SH3GL2: variants seen among roughly 807,000 people sequenced by gnomAD.
SH3GL2 encodes endophilin-A1.
SH3GL2 carries 24 observed loss-of-function variants against 46.0 expected under a neutral mutation model. The ratio of observed to expected loss-of-function variants is 0.52; its 90% CI spans 0.38 to 0.73. The LOEUF (loss-of-function observed/expected upper bound fraction) is 0.73. Ranked by LOEUF, SH3GL2 falls within the 30% of genes least tolerant of loss-of-function variation. The pLI, the probability that SH3GL2 is intolerant of heterozygous loss-of-function variation, is 0.00. For synonymous variants in SH3GL2, 196 were observed against 147.1 expected, an observed-to-expected ratio of 1.33 and a Z score of -2.40; for missense variants, 413 against 424.2, an observed-to-expected ratio of 0.97 and a Z score of 0.23.
At chr9:17,672,465 C>G (rs1256196339) in intron 1 of SH3GL2, among the ~76,000 whole-genome samples, 1 of 152,086 alleles carries the variant, frequency 6.6e-6, no homozygotes, top group African/African-American at 2.4e-5. Flanking sequence ...AGAAAAAGAG[C>G]CCAGATAATA....
At chr9:17,698,704 A>T (rs1483107893) in intron 1 of SH3GL2, among the ~76,000 whole-genome samples, 1 of 152,204 alleles carries the variant, frequency 6.6e-6, no homozygotes, top group Non-Finnish European at 1.5e-5. Flanking sequence ...GTTTCTGCTT[A>T]TGCAGAAGAG....
At chr9:17,736,767 A>G (rs568999911) in intron 1 of SH3GL2, among the ~76,000 whole-genome samples, 1 of 152,116 alleles carries the variant, frequency 6.6e-6, no homozygotes, top group African/African-American at 2.4e-5. Flanking sequence ...TGGATGGAAA[A>G]AAACTGTCCA....
chr9:17,716,902 T>C (rs1258091711), intron 1 of SH3GL2, among the ~76,000 whole-genome samples: 3 of 152,140 alleles, frequency 2.0e-5, no homozygotes, highest in African/African-American at 7.2e-5. Context: ...TTGACACTCA[T>C]TCTTAAAAAT....
intron 1 of SH3GL2, chr9:17,591,162 A>G (rs1462190221): frequency 6.6e-6 from 1 of 152,226 alleles, no homozygotes. Flanking sequence ...ATCACCTTAC[A>G]TAAAAGGACG....
intron 1 of SH3GL2, among the ~76,000 whole-genome samples, chr9:17,611,782 G>T (rs1818873050): frequency 6.6e-6 from 1 of 152,138 alleles, no homozygotes; most frequent in Admixed American, 6.5e-5. Flanking sequence ...ATTGCCTTGG[G>T]CTCTGTCTTC....
intron 1 of SH3GL2, among the ~76,000 whole-genome samples, chr9:17,623,248 G>A (rs1340841454): frequency 6.6e-6 from 1 of 151,992 alleles, no homozygotes; most frequent in African/African-American, 2.4e-5. Context: ...AGGTCCCTAC[G>A]ATACGTCTGA....
intron 1 of SH3GL2, among the ~76,000 whole-genome samples, chr9:17,608,234 G>A (rs556407907): frequency 7.3e-6 from 1 of 137,458 alleles, no homozygotes; most frequent in Non-Finnish European, 1.5e-5. Flanking sequence ...TGCAAGCTCT[G>A]CCTCCCAGGT....
chr9:17,584,066 C>G (rs1226551209), intron 1 of SH3GL2, among the ~76,000 whole-genome samples: 2 of 152,124 alleles, frequency 1.3e-5, no homozygotes, highest in Non-Finnish European at 2.9e-5. Flanking sequence ...CCAGTAGTCT[C>G]TAATAGGCTG....
In SH3GL2 at chr9:17,691,023, A is replaced by G. The variant is rs1821063397; in HGVS notation, c.46-56043A>G. Among the ~76,000 whole-genome samples, 3 of 152,270 alleles carry G rather than the reference A, an allele frequency of 2.0e-5. No homozygotes were observed. In the South Asian group the frequency reaches 6.2e-4, roughly 32 times the overall value. On this transcript the variant is annotated intron_variant, in intron 1 of 8. Coordinates refer to ENST00000380607, the MANE Select transcript of SH3GL2 (RefSeq NM_003026.5). ...TTTTAAATAATTTCTTCCAGTGGAGAAAAGGGCATGCTTTGTGAAACAGAG... is the reference window on the plus strand; with the variant it reads ...TTTTAAATAATTTCTTCCAGTGGAGGAAAGGGCATGCTTTGTGAAACAGAG...
intron 1 of SH3GL2, among the ~76,000 whole-genome samples, chr9:17,712,064 A>G (rs904196633): frequency 1.3e-5 from 2 of 151,778 alleles, no homozygotes; most frequent in South Asian, 2.1e-4. Flanking sequence ...TTAATGACCA[A>G]TGATGTTGAG....
chr9:17,639,699 GAA>G (rs1819629070), intron 1 of SH3GL2, among the ~76,000 whole-genome samples: 1 of 152,188 alleles, frequency 6.6e-6, no homozygotes, highest in Non-Finnish European at 1.5e-5. Context: ...GACTTTATGT[GAA>G]TATTCATGGC....
chr9:17,741,415 GT>G (rs1429151539), intron 1 of SH3GL2, among the ~76,000 whole-genome samples: 1 of 152,152 alleles, frequency 6.6e-6, no homozygotes, highest in Admixed American at 6.5e-5. Context: ...TGTAATGAAA[GT>G]TGTATAGTGG....
chr9:17,777,613 T>C (rs1823678224), intron 3 of SH3GL2, among the ~76,000 whole-genome samples: 1 of 151,654 alleles, frequency 6.6e-6, no homozygotes, highest in Non-Finnish European at 1.5e-5. Flanking sequence ...TAATTTCTGA[T>C]GAGGGCTCTC....
At position 17,787,178 on chromosome 9, in the gene SH3GL2, C is replaced by G. The variant is rs138560984; in HGVS notation, c.332-202C>G. 3.5e-4 allele frequency among the ~76,000 whole-genome samples: 54 copies of G among 152,238 alleles called. 1 individual carries two copies. The highest frequency in any genetic ancestry group is 7.9e-4 in the Admixed American group (12 of 15,280). On this transcript the variant is annotated intron_variant, in intron 4 of 8. Transcript: ENST00000380607. ...CTTCTTAAAGGAAAAAGTAACTGTTCCATTCTTGATGAGAGGTATTTACCC... is the reference window on the plus strand; with the variant it reads ...CTTCTTAAAGGAAAAAGTAACTGTTGCATTCTTGATGAGAGGTATTTACCC...
intron 5 of SH3GL2, among the ~76,000 whole-genome samples, chr9:17,788,618 A>G (rs1169844226): frequency 1.3e-5 from 2 of 152,160 alleles, no homozygotes; most frequent in African/African-American, 4.8e-5. Flanking sequence ...ACTAGAGATG[A>G]TGGGTGGAGC....
intron 1 of SH3GL2, among the ~76,000 whole-genome samples, chr9:17,704,497 CAA>C (rs1247567556): frequency 6.6e-6 from 1 of 151,902 alleles, no homozygotes; most frequent in African/African-American, 2.4e-5. Flanking sequence ...GCTAAAAAGA[CAA>C]AGCTGGAGGC....
At chr9:17,650,968 G>A (rs890834233) in intron 1 of SH3GL2, among the ~76,000 whole-genome samples, 13 of 151,296 alleles carry the variant, frequency 8.6e-5, no homozygotes, top group Non-Finnish European at 1.9e-4. Flanking sequence ...CCTTTTCTCT[G>A]TTTCTCCCCT....
At chr9:17,761,545 G>A (rs368079854) in intron 3 of SH3GL2, 36 bp downstream of exon 3, 13 of 1,264,394 alleles carry the variant, frequency 1.0e-5, no homozygotes, top group African/African-American at 7.3e-5. Flanking sequence ...AGGATCCCTC[G>A]AGGTAACTTT....
chr9:17,733,896 T>G lies in SH3GL2; in HGVS notation c.46-13170T>G, dbSNP rs373396681. Among the ~76,000 whole-genome samples, 40 of 152,002 alleles carry G rather than the reference T, an allele frequency of 2.6e-4. No homozygotes were observed. The East Asian group carries it at 5.3e-3, about 20-fold the overall frequency. On this transcript the variant is annotated intron_variant, in intron 1 of 8. Transcript: ENST00000380607. Reference sequence around the variant, plus strand: ...CAAAAAAACCAAACACTGCATATTCTCACTGATAGGTGGGAATTGAACAAT... The same window carrying G: ...CAAAAAAACCAAACACTGCATATTCGCACTGATAGGTGGGAATTGAACAAT...
Sources: gnomAD v4.1 joint callset for allele counts (sites outside exome capture counted in the v4.1 genomes callset) on GRCh38, gnomAD v4.1.1 for gene constraint, MANE v1.5 for transcripts, NCBI Gene and HGNC (gene_info 2026-07-23, HGNC 2026-07-21) for gene names.